NELL2: variants seen among roughly 807,000 people sequenced by gnomAD.
NELL2 encodes neural EGFL like 2.
In NELL2, 41 loss-of-function variants were observed where a neutral mutation model predicts 109.6. The ratio of observed to expected loss-of-function variants is 0.37; its 90% CI spans 0.29 to 0.49. The LOEUF (loss-of-function observed/expected upper bound fraction) is 0.49, where lower values mean the gene tolerates loss of function less well. NELL2 is among the 20% of genes least tolerant of loss of function. NELL2 has a pLI of 0.98. For synonymous variants in NELL2, 355 were observed against 344.7 expected (o/e 1.03, Z -0.33); for missense variants, 900 against 1,008.3 (o/e 0.89, Z 1.45).
chr12:44,811,311 C>T (rs1947266), intron 3 of NELL2, among the ~76,000 whole-genome samples: 10 of 124,912 alleles, frequency 8.0e-5, no homozygotes, highest in African/African-American at 3.2e-4. Context: ...CCTACACGTT[C>T]TGCACATGTA....
chr12:44,878,308 T>C (rs1260810760), upstream of NELL2, among the ~76,000 whole-genome samples: 1 of 152,136 alleles, frequency 6.6e-6, no homozygotes, highest in African/African-American at 2.4e-5. Flanking sequence ...CCTAATTAAA[T>C]AGTATGGAAA....
At chr12:44,803,304 G>A (rs1030671008) in intron 3 of NELL2, among the ~76,000 whole-genome samples, 1 of 152,010 alleles carries the variant, frequency 6.6e-6, no homozygotes, top group Non-Finnish European at 1.5e-5. Flanking sequence ...AGAAGAAAGA[G>A]TTTAGATAGT....
chr12:44,699,516 G>A (rs1949162218), intron 12 of NELL2, among the ~76,000 whole-genome samples: 1 of 152,108 alleles, frequency 6.6e-6, no homozygotes, highest in Admixed American at 6.5e-5. Flanking sequence ...TCGGGCAGAA[G>A]AATCCCTTCT....
intron 15 of NELL2, among the ~76,000 whole-genome samples, chr12:44,601,475 T>G (rs1945219754): frequency 6.6e-6 from 1 of 152,144 alleles, no homozygotes; most frequent in Non-Finnish European, 1.5e-5. Flanking sequence ...ATCACTAAAT[T>G]AAACATTTTA....
chr12:44,550,136 T>C (rs1010667026), intron 15 of NELL2, among the ~76,000 whole-genome samples: 2 of 151,886 alleles, frequency 1.3e-5, no homozygotes. Flanking sequence ...GAATACACAA[T>C]GGGGAAAGGA....
intron 15 of NELL2, among the ~76,000 whole-genome samples, chr12:44,591,716 T>G (rs904746441): frequency 2.0e-5 from 3 of 152,168 alleles, no homozygotes; most frequent in African/African-American, 7.2e-5. Flanking sequence ...GTGATTATAT[T>G]TAATAATAAT....
Position 44,703,749 on chromosome 12 carries a change from C to A in NELL2, c.1295G>T (p.Arg432Leu). Residue 432 changes from arginine to leucine, a missense_variant, in exon 12 of 20, where the codon CGA (arginine) becomes CTA (leucine). Physicochemically the swap from Arg to Leu is moderately radical, Grantham distance 102. Transcript: ENST00000429094. ...ACCTTCACAGTAGGCATTATCCTCT[C>A]GAAGAGCCCTAAAACCATCTCGACA... ...CSCRDGFRALREDNAYCEDID... is the reference protein window; with the variant it reads ...CSCRDGFRALLEDNAYCEDID... 1 of 1,613,412 alleles carries A rather than the reference C, an allele frequency of 6.2e-7. No individual in the cohort carries two copies. Among genetic ancestry groups the A allele is most frequent in the Non-Finnish European group, 8.5e-7 (1 of 1,179,580 alleles).
chr12:44,897,296 A>G (rs2063265760), intron 1 of NELL2, among the ~76,000 whole-genome samples: 4 of 152,132 alleles, frequency 2.6e-5, no homozygotes, highest in Admixed American at 2.0e-4. Flanking sequence ...GTGTGTTCTA[A>G]TGTTAAAATT....
chr12:44,699,084 G>A (rs1208022213), intron 12 of NELL2, among the ~76,000 whole-genome samples: 1 of 152,106 alleles, frequency 6.6e-6, no homozygotes, highest in African/African-American at 2.4e-5. Context: ...TCAGTGTCAA[G>A]TGAAGACATG....
At chr12:44,774,995 C>G in intron 8 of NELL2, 146 bp from the exon 9 acceptor site, 1 of 610,656 alleles carries the variant, frequency 1.6e-6, no homozygotes, top group East Asian at 2.9e-5. Context: ...GCGGTGCTGA[C>G]AATCACCACA....
At chr12:44,608,893 CATATATATATACATATATATATGT>C (rs995501037) in intron 14 of NELL2, among the ~76,000 whole-genome samples, 11 of 149,562 alleles carry the variant, frequency 7.4e-5, no homozygotes, top group South Asian at 6.3e-4. Flanking sequence ...TCTATTTTTG[CATATATATATACATATATATATGT>C]ATATATATAT....
intron 9 of NELL2, among the ~76,000 whole-genome samples, chr12:44,724,900 G>A (rs899312677): frequency 6.6e-6 from 1 of 150,642 alleles, no homozygotes; most frequent in Admixed American, 6.6e-5. Context: ...AAACAGCATG[G>A]TACTGGTATA....
intron 3 of NELL2, among the ~76,000 whole-genome samples, chr12:44,798,284 G>C (rs925975678): frequency 2.0e-5 from 3 of 151,548 alleles, no homozygotes; most frequent in Non-Finnish European, 4.4e-5. Context: ...ATTTTTATTG[G>C]TGGACAACAT....
intron 1 of NELL2, among the ~76,000 whole-genome samples, chr12:44,921,375 T>C (rs1400386957): frequency 6.6e-6 from 1 of 152,172 alleles, no homozygotes; most frequent in Non-Finnish European, 1.5e-5. Context: ...TCTCAGACGC[T>C]TACAGTCTGG....
At chr12:44,839,726 A>G (rs1320448319) in intron 2 of NELL2, among the ~76,000 whole-genome samples, 1 of 152,256 alleles carries the variant, frequency 6.6e-6, no homozygotes, top group Non-Finnish European at 1.5e-5. Flanking sequence ...GGCGATGATC[A>G]TAAAGTTTTT....
At chr12:44,517,812 C>G (rs993140105) in intron 19 of NELL2, among the ~76,000 whole-genome samples, 3 of 152,026 alleles carry the variant, frequency 2.0e-5, no homozygotes, top group African/African-American at 7.2e-5. Flanking sequence ...CATTATACAC[C>G]TGGTACCAGC....
intron 2 of NELL2, among the ~76,000 whole-genome samples, chr12:44,860,636 T>C (rs1944812283): frequency 6.6e-6 from 1 of 152,148 alleles, no homozygotes; most frequent in South Asian, 2.1e-4. Flanking sequence ...ACATACTCAA[T>C]TACCTCCCTC....
At chr12:44,533,296 G>A (rs528390292) in intron 15 of NELL2, among the ~76,000 whole-genome samples, 5 of 152,206 alleles carry the variant, frequency 3.3e-5, no homozygotes, top group African/African-American at 9.6e-5. Context: ...ATCAACCTTA[G>A]TTGACACTCT....
chr12:44,777,298 A>G lies in NELL2; in HGVS notation c.623T>C (p.Val208Ala), dbSNP rs1325309118. ...HGYFKGIMQD[V>A]QLLVMPQGFI... ...TCCCTGGGGCATGACAAGTAATTGG[A>G]CATCTTGCATTATACCCTGTGTGTG... Residue 208 changes from valine to alanine, a missense_variant, in exon 6 of 20, where the codon GTC (valine) becomes GCC (alanine). Physicochemically the swap from Val to Ala is moderately conservative, Grantham distance 64. This residue lies in a region of NELL2 where 75 missense variants were observed against 118.9 expected (regional missense o/e 0.63). Transcript: ENST00000429094. 1 of 1,613,626 alleles carries G rather than the reference A, an allele frequency of 6.2e-7. No homozygotes were observed. The highest frequency in any genetic ancestry group is 8.5e-7 in the Non-Finnish European group (1 of 1,179,522).
Sources: gnomAD v4.1 joint callset for allele counts (sites outside exome capture counted in the v4.1 genomes callset) on GRCh38, gnomAD v4.1.1 for gene constraint, gnomAD v4.1.1 regional missense constraint, MANE v1.5 for transcripts, NCBI Gene and HGNC (gene_info 2026-07-23, HGNC 2026-07-21) for gene names.